Variants in AGFG2 observed in about 807,000 individuals in gnomAD.
The protein encoded by AGFG2 is arf-GAP domain and FG repeat-containing protein 2.
In AGFG2, 31 loss-of-function variants were observed where a neutral mutation model predicts 48.0. That is an observed-to-expected ratio of 0.65 (90% CI 0.49 to 0.87). The LOEUF (loss-of-function observed/expected upper bound fraction) is 0.87. Among genes scored for constraint, AGFG2 ranks in the 40% least tolerant of loss-of-function variants. The pLI, the probability that AGFG2 is intolerant of heterozygous loss-of-function variation, is 0.00. For synonymous variants in AGFG2, 229 were observed against 260.8 expected (o/e 0.88, Z 1.18); for missense variants, 599 against 632.6 (o/e 0.95, Z 0.57).
Position 100,550,293 on chromosome 7 carries a change from G to A in AGFG2, c.316-103G>A, listed in dbSNP as rs564746474. The A allele has an allele frequency of 2.1e-4, 162 of 789,052 alleles. 3 individuals are homozygous for A. In the South Asian group the frequency reaches 2.7e-3, roughly 13 times the overall value. The allele number at this position is 789,052 out of a possible 1,614,324, so 48.9% of individuals were successfully genotyped here. ...CTGCACTCCAGCCCGGCGACAGAGC[G>A]AGACTCCGTCTCAAAAAAAAAAAAA... On this transcript the variant is annotated intron_variant, in intron 2 of 11. Transcript: ENST00000300176.
At chr7:100,544,474 A>G (rs1323778603) in intron 1 of AGFG2, among the ~76,000 whole-genome samples, 1 of 152,172 alleles carries the variant, frequency 6.6e-6, no homozygotes, top group East Asian at 1.9e-4. Flanking sequence ...GGAAAGGTAC[A>G]GTATGTTCTT....
rs1444049151 is a variant in AGFG2 at position 100,562,878 on chromosome 7, T to TC, written c.1104dup (p.Thr369HisfsTer194). The stretch of plus-strand genomic sequence containing the variant: ...ACCTGGGCAGCCTTCACTAACCCTT[T>TC]CACAGCTCCCGCCGCCCAGTCCCCG... On this transcript the variant is annotated frameshift_variant, in exon 9 of 12. Coordinates refer to ENST00000300176, the MANE Select transcript of AGFG2 (RefSeq NM_006076.5). LOFTEE classifies it high-confidence loss of function. The surrounding 1 kb of genome is among the most constrained non-coding windows in gnomAD (Gnocchi z 5.4). 3.7e-6 allele frequency: 6 copies of TC among 1,614,068 alleles called. No individual in the cohort carries two copies. The highest frequency in any genetic ancestry group is 4.2e-6 in the Non-Finnish European group (5 of 1,179,958).
chr7:100,550,432 C>G lies in AGFG2; in HGVS notation c.352C>G (p.Arg118Gly), dbSNP rs765595747. 6.2e-7 allele frequency: 1 copy of G among 1,613,714 alleles called. No individual in the cohort carries two copies. The highest frequency in any genetic ancestry group is 8.5e-7 in the Non-Finnish European group (1 of 1,179,912). Residue 118 changes from arginine (R) to glycine (G), a missense_variant, in exon 3 of 12, where the codon CGG becomes GGG. Coordinates refer to ENST00000300176, the MANE Select transcript of AGFG2 (RefSeq NM_006076.5). ...GATTTGGTTGGGTCTGTTTGATGCT[C>G]GGACATCTTTAGTACCAGATTCCAG... The part of the protein sequence containing the change: ...RKIWLGLFDA[R>G]TSLVPDSRDP...
intron 1 of AGFG2, among the ~76,000 whole-genome samples, chr7:100,541,945 A>G (rs997724035): frequency 3.3e-5 from 5 of 152,160 alleles, no homozygotes; most frequent in African/African-American, 4.8e-5. Flanking sequence ...CACAGATAAC[A>G]TTTCCCTTAT....
At chr7:100,544,648 G>A (rs1219125652) in intron 1 of AGFG2, among the ~76,000 whole-genome samples, 2 of 134,936 alleles carry the variant, frequency 1.5e-5, no homozygotes, top group African/African-American at 5.5e-5. Flanking sequence ...TGTAGGTGCT[G>A]TTTCATAAGG....
Position 100,562,354 on chromosome 7 carries a change from G to A in AGFG2, c.973G>A (p.Val325Met), listed in dbSNP as rs1800894170. 2.5e-6 allele frequency: 4 copies of A among 1,613,882 alleles called. 1 individual carries two copies. The Admixed American group carries it at 5.0e-5, about 20-fold the overall frequency. The change falls in exon 7 of 12, where the codon GTG (valine) becomes ATG (methionine). Residue 325 changes from valine (V) to methionine (M), a missense_variant. Coordinates refer to ENST00000300176, the MANE Select transcript of AGFG2 (RefSeq NM_006076.5). This position sits in a 1 kb window ranked among gnomAD's most constrained non-coding sequence, Gnocchi z 5.4. Reference sequence around the variant, plus strand: ...CGTGGGCAGCTTCCTGGGACCCGGGGTGCCCGCTGCAGGTGTTCCTAGCAG... The same window carrying A: ...CGTGGGCAGCTTCCTGGGACCCGGGATGCCCGCTGCAGGTGTTCCTAGCAG... ...ADVGSFLGPGVPAAGVPSSLF... is the reference protein window; with the variant it reads ...ADVGSFLGPGMPAAGVPSSLF...
Position 100,567,834 on chromosome 7 carries a change from A to T in AGFG2, c.*2843A>T, listed in dbSNP as rs1388706402. The T allele has an allele frequency of 6.6e-6, 1 of 152,236 alleles. No homozygotes were observed. The highest frequency in any genetic ancestry group is 2.1e-4 in the South Asian group (1 of 4,834). The allele number at this position is 152,236 out of a possible 1,614,324, so 9.4% of individuals were successfully genotyped here. On this transcript the variant is annotated 3_prime_UTR_variant, in exon 12 of 12. Coordinates refer to ENST00000300176, the MANE Select transcript of AGFG2 (RefSeq NM_006076.5). ...TGCCACTTCCTGTCCCTGGGGAGCC[A>T]CTCAAGTTACCAGGGCTACCGGCTG...
chr7:100,559,011 G>C (rs893709261), intron 6 of AGFG2, among the ~76,000 whole-genome samples: 4 of 152,124 alleles, frequency 2.6e-5, no homozygotes, highest in African/African-American at 9.7e-5. Flanking sequence ...GTGCGTGACT[G>C]TAGTCCCAGC....
At chr7:100,564,397 G>A (rs761155675) in intron 11 of AGFG2, 94 bp downstream of exon 11, 7 of 1,334,652 alleles carry the variant, frequency 5.2e-6, no homozygotes, top group African/African-American at 2.9e-5. Flanking sequence ...TGGCCCCTGT[G>A]CCCCTTCCTC....
intron 6 of AGFG2, among the ~76,000 whole-genome samples, chr7:100,556,821 T>G (rs1037292100): frequency 1.3e-5 from 2 of 152,230 alleles, no homozygotes; most frequent in Admixed American, 6.5e-5. Context: ...CCCACAGCCT[T>G]CTCACTGTGC....
chr7:100,555,759 C>G, intron 6 of AGFG2, 24 bp downstream of exon 6: 1 of 1,612,590 alleles, frequency 6.2e-7, no homozygotes, highest in Non-Finnish European at 8.5e-7. Context: ...CACTGGCTTC[C>G]TTTCTCTTCC....
chr7:100,553,207 T>TG (rs1388177225), intron 3 of AGFG2, 140 bp from the exon 4 acceptor site: 12 of 1,091,832 alleles, frequency 1.1e-5, no homozygotes, highest in Admixed American at 2.2e-5. Context: ...TTTGCTAAGT[T>TG]GCTCGGTTCC....
rs1364501318 is a variant in AGFG2, at chr7:100,565,631, A to G, written c.*640A>G. 13 of 153,380 alleles carry G rather than the reference A, an allele frequency of 8.5e-5. No individual in the cohort carries two copies. The highest frequency in any genetic ancestry group is 8.5e-4 in the Admixed American group (13 of 15,344). The allele number at this position is 153,380 out of a possible 1,614,324, so 9.5% of individuals were successfully genotyped here. A position where few individuals can be genotyped will look rare whatever the true frequency, so the allele number is the denominator to read the frequency against. ...GGATACCAGTGTTTTATATTTATAC[A>G]TAGAGAGGATTTTCTAATATAGCCT... On this transcript the variant is annotated 3_prime_UTR_variant, in exon 12 of 12. Transcript: ENST00000300176.
At position 100,554,218 on chromosome 7, in the gene AGFG2, C is replaced by G. The variant is rs749122018; in HGVS notation, c.711C>G (p.Pro237=). The G allele has an allele frequency of 3.1e-6, 5 of 1,613,926 alleles. No individual in the cohort carries two copies. The highest frequency in any genetic ancestry group is 4.2e-6 in the Non-Finnish European group (5 of 1,179,914). The change falls in exon 5 of 12, where the codon CCC becomes CCG. Residue 237 remains proline, a synonymous_variant. Coordinates refer to ENST00000300176, the MANE Select transcript of AGFG2 (RefSeq NM_006076.5). ...TCGGTGGAGACCCCTTTGCTGCACCCCAGATGGCACCAGCTTTTGCTGCAT... is the reference window on the plus strand; with the variant it reads ...TCGGTGGAGACCCCTTTGCTGCACCGCAGATGGCACCAGCTTTTGCTGCAT... ...ADIGGDPFAA[P]QMAPAFAAFP...
Position 100,539,241 on chromosome 7 carries a change from C to T in AGFG2, c.-106C>T, listed in dbSNP as rs73407312. Reference sequence around the variant, plus strand: ...GTCTCCTGCGGATGCCGCCCGCTCCCGAGCTTCTGTCAGGGGAGCCGGGCG... The same window carrying T: ...GTCTCCTGCGGATGCCGCCCGCTCCTGAGCTTCTGTCAGGGGAGCCGGGCG... On this transcript the variant is annotated 5_prime_UTR_variant, in exon 1 of 12. Transcript: ENST00000300176. The T allele has an allele frequency of 6.9e-4, 802 of 1,166,424 alleles. 7 individuals are homozygous for T. The African/African-American group carries it at 0.012, about 17-fold the overall frequency. 72.3% of individuals were successfully genotyped at this position (1,166,424 alleles called of 1,614,324 possible).
rs148726709 is a variant in AGFG2, at chr7:100,567,626, C to T, written c.*2635C>T. ...ATGTGTGGCTCTGTCCCTGTGTTGC[C>T]TTCCACAGAGGAGCAAGGCCTCAGG... On this transcript the variant is annotated 3_prime_UTR_variant, in exon 12 of 12. Coordinates refer to ENST00000300176, the MANE Select transcript of AGFG2 (RefSeq NM_006076.5). 2.7e-3 allele frequency: 414 copies of T among 152,742 alleles called. 2 individuals are homozygous for T. Among genetic ancestry groups the T allele is most frequent in the Non-Finnish European group, 3.7e-3 (251 of 68,238 alleles). The allele number at this position is 152,742 out of a possible 1,614,324, so 9.5% of individuals were successfully genotyped here.
At chr7:100,554,619 G>A (rs926709349) in intron 5 of AGFG2, among the ~76,000 whole-genome samples, 4 of 152,118 alleles carry the variant, frequency 2.6e-5, no homozygotes, top group African/African-American at 9.7e-5. Flanking sequence ...GGGTTCAGCA[G>A]CATAGAATCT....
intron 6 of AGFG2, 148 bp downstream of exon 6, chr7:100,555,883 G>T: frequency 8.9e-7 from 1 of 1,124,964 alleles, no homozygotes; most frequent in South Asian, 1.7e-5. Flanking sequence ...GGATGAGCGT[G>T]TCTGACACAT....
At chr7:100,550,034 C>T (rs1038390993) in intron 2 of AGFG2, among the ~76,000 whole-genome samples, 2 of 152,156 alleles carry the variant, frequency 1.3e-5, no homozygotes, top group Admixed American at 6.5e-5. Flanking sequence ...GGTGGCTGGG[C>T]GCGGTGGCTC....
Sources: gnomAD v4.1 joint callset for allele counts (sites outside exome capture counted in the v4.1 genomes callset) on GRCh38, gnomAD v4.1.1 for gene constraint, Gnocchi (gnomAD v3.1) non-coding constraint, MANE v1.5 for transcripts, NCBI Gene and HGNC (gene_info 2026-07-23, HGNC 2026-07-21) for gene names.